Variants in CTIF observed in about 807,000 individuals in gnomAD.
The protein encoded by CTIF is CBP80/20-dependent translation initiation factor.
CTIF carries 21 observed loss-of-function variants against 66.0 expected under a neutral mutation model. That is an observed-to-expected ratio of 0.32 (90% CI 0.23 to 0.46). CTIF has a LOEUF of 0.46. Ranked by LOEUF, CTIF falls within the 20% of genes least tolerant of loss-of-function variation. The pLI is 1.00. For synonymous variants in CTIF, 345 were observed against 326.4 expected (o/e 1.06, Z -0.62); for missense variants, 739 against 812.7 (o/e 0.91, Z 1.10).
intron 10 of CTIF, 143 bp from the exon 11 acceptor site, chr18:48,857,445 T>A (rs779657711): frequency 1.1e-5 from 7 of 641,850 alleles, no homozygotes; most frequent in African/African-American, 1.9e-5. Flanking sequence ...TTGTGGGCTC[T>A]CACTCTAGCC....
At chr18:48,820,396 C>T (rs896944872) in intron 10 of CTIF, among the ~76,000 whole-genome samples, 1 of 152,160 alleles carries the variant, frequency 6.6e-6, no homozygotes, top group Non-Finnish European at 1.5e-5. Flanking sequence ...AGCTGCAGCC[C>T]CCTCCATGCT....
intron 7 of CTIF, among the ~76,000 whole-genome samples, chr18:48,738,977 C>T (rs2092529685): frequency 6.6e-6 from 1 of 152,202 alleles, no homozygotes; most frequent in Admixed American, 6.5e-5. Context: ...CAGTTCCCCT[C>T]CTGAGACCAG....
At chr18:48,601,257 GA>G (rs1469919578) in intron 1 of CTIF, among the ~76,000 whole-genome samples, 6 of 152,180 alleles carry the variant, frequency 3.9e-5, no homozygotes, top group African/African-American at 1.4e-4. Context: ...GCTCCCAAAA[GA>G]AAAATGTGTT....
rs374697225 is a variant in CTIF, at chr18:48,757,996, G to A, written c.662G>A (p.Arg221Lys). The A allele has an allele frequency of 3.3e-5, 53 of 1,613,888 alleles. No homozygotes were observed. Among genetic ancestry groups the A allele is most frequent in the Non-Finnish European group, 4.1e-5 (48 of 1,180,004 alleles). The change falls in exon 8 of 12, where the codon AGG becomes AAG. Residue 221 changes from arginine to lysine, a missense_variant. Around this residue, in one of 2 missense-constraint regions of CTIF, gnomAD observed 529 missense variants for 520.3 expected, o/e 1.02. Coordinates refer to ENST00000256413, the MANE Select transcript of CTIF (RefSeq NM_014772.3). ...CAGCCAGGCAGTGCCAAACACAACAGGGACCACCAGAAATCCTACCAGGGG... is the reference window on the plus strand; with the variant it reads ...CAGCCAGGCAGTGCCAAACACAACAAGGACCACCAGAAATCCTACCAGGGG... The part of the protein sequence containing the change: ...DHQPGSAKHN[R>K]DHQKSYQGGS...
At chr18:48,697,205 T>A (rs1427457658) in intron 6 of CTIF, among the ~76,000 whole-genome samples, 1 of 152,234 alleles carries the variant, frequency 6.6e-6, no homozygotes, top group Non-Finnish European at 1.5e-5. Context: ...CAAACAATTA[T>A]GGAGGCTCAT....
intron 1 of CTIF, among the ~76,000 whole-genome samples, chr18:48,597,847 C>A (rs1487485544): frequency 6.6e-6 from 1 of 152,254 alleles, no homozygotes; most frequent in Non-Finnish European, 1.5e-5. Context: ...TGGCATGCAG[C>A]TCCAGCCCTC....
chr18:48,809,111 T>C (rs1459745834), intron 9 of CTIF, among the ~76,000 whole-genome samples: 1 of 152,236 alleles, frequency 6.6e-6, no homozygotes, highest in African/African-American at 2.4e-5. Context: ...TATTTCTTAA[T>C]AATGTCACTT....
Position 48,758,165 on chromosome 18 carries a change from C to A in CTIF, c.831C>A (p.Ile277=), listed in dbSNP as rs116794939. The A allele has an allele frequency of 5.8e-5, 94 of 1,613,986 alleles. No homozygotes were observed. Among genetic ancestry groups the A allele is most frequent in the Non-Finnish European group, 7.9e-5 (93 of 1,180,014 alleles). ...GCAATGCCAAAGAGACCATGACCAT[C>A]GAGAACCCAAAACTGGAGGACACTG... ...AHRNAKETMT[I]ENPKLEDTAG... Residue 277 remains isoleucine, a synonymous_variant, in exon 8 of 12, where the codon ATC becomes ATA. Coordinates refer to ENST00000256413, the MANE Select transcript of CTIF (RefSeq NM_014772.3).
At chr18:48,851,464 G>A (rs75751122) in intron 10 of CTIF, among the ~76,000 whole-genome samples, 9,685 of 152,204 alleles carry the variant, frequency 0.064, 438 homozygotes, top group South Asian at 0.21. Context: ...CCCTGTCAGC[G>A]TCTCCCTCTC....
intron 1 of CTIF, among the ~76,000 whole-genome samples, chr18:48,582,738 C>T (rs570076025): frequency 7.2e-5 from 11 of 152,224 alleles, no homozygotes; most frequent in African/African-American, 2.4e-5. Context: ...CGCTAATAAA[C>T]GTTTTATTAC....
rs57830471 is a variant in CTIF at position 48,786,676 on chromosome 18, A to G, written c.1371+24987A>G. ...CTGAATCAGTCAAGGTGATAAGTTT[A>G]AGTCAATGTTTGCCCTTTGGCCTTG... On this transcript the variant is annotated intron_variant, in intron 9 of 11. Transcript: ENST00000256413. Among the ~76,000 whole-genome samples, 508 of 152,316 alleles carry G rather than the reference A, an allele frequency of 3.3e-3. 4 individuals carry two copies. The highest frequency in any genetic ancestry group is 0.012 in the African/African-American group (482 of 41,558).
intron 6 of CTIF, among the ~76,000 whole-genome samples, chr18:48,710,410 T>A (rs989971795): frequency 6.6e-6 from 1 of 152,138 alleles, no homozygotes; most frequent in Non-Finnish European, 1.5e-5. Flanking sequence ...TACCCAGGTG[T>A]CCCAGGTCCA....
chr18:48,705,594 A>G (rs574872361), intron 6 of CTIF, among the ~76,000 whole-genome samples: 17 of 152,314 alleles, frequency 1.1e-4, no homozygotes, highest in African/African-American at 3.8e-4. Context: ...GACTTTACAG[A>G]TGGGATCACA....
At chr18:48,819,400 C>G (rs547712447) in intron 10 of CTIF, among the ~76,000 whole-genome samples, 1 of 152,370 alleles carries the variant, frequency 6.6e-6, no homozygotes, top group Admixed American at 6.5e-5. Context: ...CAGCACTGTT[C>G]TAGGGCAGTG....
intron 9 of CTIF, among the ~76,000 whole-genome samples, chr18:48,789,677 A>G (rs1372171410): frequency 6.6e-6 from 1 of 152,236 alleles, no homozygotes; most frequent in African/African-American, 2.4e-5. Context: ...TCAAGATGCC[A>G]TTAAGCCTTT....
At chr18:48,695,396 C>G (rs1017234928) in intron 6 of CTIF, among the ~76,000 whole-genome samples, 3 of 152,122 alleles carry the variant, frequency 2.0e-5, no homozygotes, top group African/African-American at 7.2e-5. Context: ...GAAAGGGAAC[C>G]CACGCACACA....
intron 3 of CTIF, among the ~76,000 whole-genome samples, chr18:48,641,074 C>T (rs2090920229): frequency 6.6e-6 from 1 of 152,174 alleles, no homozygotes; most frequent in Admixed American, 6.5e-5. Context: ...TCACCCATCA[C>T]CTAGTCATTT....
chr18:48,710,278 G>A (rs2145475126), intron 6 of CTIF, among the ~76,000 whole-genome samples: 1 of 152,332 alleles, frequency 6.6e-6, no homozygotes, highest in Admixed American at 6.5e-5. Flanking sequence ...GGCCAGAATA[G>A]ACCCCCTCTG....
rs1474437920 is a variant in CTIF, at chr18:48,859,924, C to T, written c.*365C>T. ...TGTGACTCCTCGGAGACCTTGGCAG[C>T]CTCGCACGCCGGGGCACCGCTTGGG... On this transcript the variant is annotated 3_prime_UTR_variant, in exon 12 of 12. Transcript: ENST00000256413. 2.0e-6 allele frequency: 1 copy of T among 493,538 alleles called. No homozygotes were observed. The highest frequency in any genetic ancestry group is 4.0e-6 in the Non-Finnish European group (1 of 251,852). The allele number at this position is 493,538 out of a possible 1,614,324, so 30.6% of individuals were successfully genotyped here. A position where few individuals can be genotyped will look rare whatever the true frequency, so the allele number is the denominator to read the frequency against.
Sources: gnomAD v4.1 joint callset for allele counts (sites outside exome capture counted in the v4.1 genomes callset) on GRCh38, gnomAD v4.1.1 for gene constraint, gnomAD v4.1.1 regional missense constraint, MANE v1.5 for transcripts, NCBI Gene and HGNC (gene_info 2026-07-23, HGNC 2026-07-21) for gene names.